The following TOMM22 variants were observed in gnomAD, a reference collection of about 807,000 sequenced individuals.
The protein encoded by TOMM22 is mitochondrial import receptor subunit TOM22 homolog.
TOMM22 carries 3 observed loss-of-function variants against 17.1 expected under a neutral mutation model. The observed-to-expected ratio is 0.18, with a 90% CI of 0.08 to 0.45. The LOEUF (loss-of-function observed/expected upper bound fraction) is 0.45, where lower values mean the gene tolerates loss of function less well. Ranked by LOEUF, TOMM22 falls within the 20% of genes least tolerant of loss-of-function variation. The probability of loss-of-function intolerance (pLI) is 0.99; values close to 1 mark genes in which losing one functional copy is unlikely to be tolerated. For synonymous variants in TOMM22, 91 were observed against 74.0 expected (o/e 1.23, Z -1.18); for missense variants, 159 against 179.5 (o/e 0.89, Z 0.65).
At chr22:38,682,287 C>G in intron 1 of TOMM22, 36 bp from the exon 2 acceptor site, 13 of 1,604,258 alleles carry the variant, frequency 8.1e-6, no homozygotes, top group South Asian at 1.1e-5. Flanking sequence ...ATGGATGTCG[C>G]TTTTTCGGCT....
Position 38,684,163 on chromosome 22 carries a change from G to T in TOMM22, c.*322G>T. 1 of 318,768 alleles carries T rather than the reference G, an allele frequency of 3.1e-6. No individual in the cohort carries two copies. 19.7% of individuals were successfully genotyped at this position (318,768 alleles called of 1,614,324 possible). A position where few individuals can be genotyped will look rare whatever the true frequency, so the allele number is the denominator to read the frequency against. On this transcript the variant is annotated 3_prime_UTR_variant, in exon 4 of 4. Transcript: ENST00000216034. ...TTCCCCTTGTGGGGTAGGAACCGATGCCAGTGGGAGGGATGTGCCCCTGAC... is the reference window on the plus strand; with the variant it reads ...TTCCCCTTGTGGGGTAGGAACCGATTCCAGTGGGAGGGATGTGCCCCTGAC...
chr22:38,683,679 T>A, intron 3 of TOMM22, 88 bp from the exon 4 acceptor site: 1 of 970,230 alleles, frequency 1.0e-6, no homozygotes, highest in Non-Finnish European at 1.6e-6. Flanking sequence ...TTCAGTATTA[T>A]TTTTGTAGAC....
Position 38,682,895 on chromosome 22 carries a change from T to A in TOMM22, c.253T>A (p.Leu85Met). 6.2e-7 allele frequency: 1 copy of A among 1,613,390 alleles called. No individual in the cohort carries two copies. The highest frequency in any genetic ancestry group is 8.5e-7 in the Non-Finnish European group (1 of 1,179,942). ...QKMYRFSRAA[L>M]WIGTTSFMIL... is the part of the protein sequence containing the mutation. ...CCTCTGCAGGTTTTCCAGGGCAGCC[T>A]TGTGGATTGGGACCACTTCCTTTAT... Residue 85 changes from leucine to methionine, a missense_variant, in exon 3 of 4, where the codon TTG (leucine) becomes ATG (methionine). Physicochemically the swap from Leu to Met is conservative, Grantham distance 15. Coordinates refer to ENST00000216034, the MANE Select transcript of TOMM22 (RefSeq NM_020243.5).
chr22:38,682,226 C>T (rs1329089966), intron 1 of TOMM22, 97 bp from the exon 2 acceptor site: 15 of 1,504,854 alleles, frequency 1.0e-5, no homozygotes, highest in Non-Finnish European at 1.3e-5. Flanking sequence ...GCCCTGGGTG[C>T]CCTAGCTCCA....
Position 38,683,888 on chromosome 22 carries a change from C to A in TOMM22, c.*47C>A. On this transcript the variant is annotated 3_prime_UTR_variant, in exon 4 of 4. Coordinates refer to ENST00000216034, the MANE Select transcript of TOMM22 (RefSeq NM_020243.5). The stretch of plus-strand genomic sequence containing the variant: ...GTCTCAGTGGGATAAGTTTGAAATT[C>A]AAGTGTTTGAACTGCTGATAATTTG... 2 of 1,516,686 alleles carry A rather than the reference C, an allele frequency of 1.3e-6. No individual in the cohort carries two copies. Among genetic ancestry groups the A allele is most frequent in the Non-Finnish European group, 1.8e-6 (2 of 1,103,424 alleles). 94.0% of individuals were successfully genotyped at this position (1,516,686 alleles called of 1,614,324 possible).
At position 38,685,246 on chromosome 22, in the gene TOMM22, A is replaced by G. The variant is rs1020059530; in HGVS notation, c.*1405A>G. On this transcript the variant is annotated 3_prime_UTR_variant, in exon 4 of 4. Transcript: ENST00000216034. ...AATCCAGGCAGTCCAGCTACAGAAC[A>G]CTGCTGCTGTGCGCTCGGGATGGTG... 2.0e-5 allele frequency: 3 copies of G among 152,378 alleles called. No homozygotes were observed. The East Asian group carries it at 5.8e-4, about 29-fold the overall frequency. 9.4% of individuals were successfully genotyped at this position (152,378 alleles called of 1,614,324 possible).
chr22:38,683,644 GCT>G lies in TOMM22; in HGVS notation c.355-120_355-119del, dbSNP rs1270497308. The G allele has an allele frequency of 1.8e-5, 13 of 703,000 alleles. No homozygotes were observed. The East Asian group carries it at 2.1e-4, about 11-fold the overall frequency. 43.5% of individuals were successfully genotyped at this position (703,000 alleles called of 1,614,324 possible). On this transcript the variant is annotated intron_variant, in intron 3 of 3. Transcript: ENST00000216034. ...GGGTGGGGATTGGGATCGGGCCCAT[GCT>G]CTTTTAGTTGTCTGACTGTGCTTTC...
At position 38,681,984 on chromosome 22, in the gene TOMM22, T is replaced by A; in HGVS notation, c.6T>A (p.Ala2=). The change falls in exon 1 of 4, where the codon GCT becomes GCA. Residue 2 remains alanine (A), a synonymous_variant. Transcript: ENST00000216034. ...TTCCGGTGTCCCCTACAGTCATGGC[T>A]GCCGCCGTCGCTGCTGCCGGTGCAG... is the stretch of plus-strand genomic sequence containing the variant. M[A]AAVAAAGAGE... 1 of 1,610,628 alleles carries A rather than the reference T, an allele frequency of 6.2e-7. No homozygotes were observed. The highest frequency in any genetic ancestry group is 8.5e-7 in the Non-Finnish European group (1 of 1,179,036).
At chr22:38,682,712 C>G (rs1327455937) in intron 2 of TOMM22, among the ~76,000 whole-genome samples, 167 bp from the exon 3 acceptor site, 1 of 151,922 alleles carries the variant, frequency 6.6e-6, no homozygotes, top group Non-Finnish European at 1.5e-5. Flanking sequence ...ATACAGCTAC[C>G]ATAGCTGCTC....
In TOMM22 at chr22:38,682,004, G is replaced by T. The variant is rs2145795095; in HGVS notation, c.26G>T (p.Gly9Val). The T allele has an allele frequency of 6.2e-7, 1 of 1,611,824 alleles. No individual in the cohort carries two copies. Among genetic ancestry groups the T allele is most frequent in the Non-Finnish European group, 8.5e-7 (1 of 1,179,276 alleles). MAAAVAAAGAGEPQSPDEL... is the reference protein window; with the variant it reads MAAAVAAAVAGEPQSPDEL... Reference sequence around the variant, plus strand: ...ATGGCTGCCGCCGTCGCTGCTGCCGGTGCAGGGGAACCCCAGTCCCCGGAC... The same window carrying T: ...ATGGCTGCCGCCGTCGCTGCTGCCGTTGCAGGGGAACCCCAGTCCCCGGAC... Residue 9 changes from glycine to valine, a missense_variant, in exon 1 of 4, where the codon GGT becomes GTT. This residue lies in a region of TOMM22 where 107 missense variants were observed against 100.2 expected (regional missense o/e 1.07). Coordinates refer to ENST00000216034, the MANE Select transcript of TOMM22 (RefSeq NM_020243.5).
At chr22:38,683,151 G>GT (rs1000963116) in intron 3 of TOMM22, among the ~76,000 whole-genome samples, 155 bp downstream of exon 3, 1 of 118,532 alleles carries the variant, frequency 8.4e-6, no homozygotes, top group African/African-American at 3.2e-5. Context: ...TCGGGGGGGG[G>GT]GTTCTGGATG....
intron 2 of TOMM22, 105 bp downstream of exon 2, chr22:38,682,546 G>A: frequency 1.0e-6 from 1 of 985,664 alleles, no homozygotes; most frequent in South Asian, 1.4e-5. Flanking sequence ...GTGACCTTGG[G>A]CTTGTACCCT....
At chr22:38,682,214 G>A (rs969706231) in intron 1 of TOMM22, 109 bp from the exon 2 acceptor site, 35 of 1,489,416 alleles carry the variant, frequency 2.3e-5, no homozygotes, top group Non-Finnish European at 3.1e-5. Context: ...GGGCCCTGCT[G>A]GGCCCTGGGT....
intron 3 of TOMM22, among the ~76,000 whole-genome samples, chr22:38,683,222 GAAA>G: frequency 6.6e-6 from 1 of 151,766 alleles, no homozygotes; most frequent in Non-Finnish European, 1.5e-5. Context: ...AATATATAAT[GAAA>G]TAATTCTATA....
chr22:38,682,524 G>C, intron 2 of TOMM22, 83 bp downstream of exon 2: 2 of 1,279,002 alleles, frequency 1.6e-6, no homozygotes, highest in East Asian at 4.6e-5. Flanking sequence ...GGAAGCAGCA[G>C]ACCCGTGTTG....
chr22:38,685,070 A>G lies in TOMM22; in HGVS notation c.*1229A>G, dbSNP rs938005203. 2.0e-5 allele frequency: 3 copies of G among 152,212 alleles called. No individual in the cohort carries two copies. The highest frequency in any genetic ancestry group is 4.4e-5 in the Non-Finnish European group (3 of 68,052). The allele number at this position is 152,212 out of a possible 1,614,324, so 9.4% of individuals were successfully genotyped here. On this transcript the variant is annotated 3_prime_UTR_variant, in exon 4 of 4. Coordinates refer to ENST00000216034, the MANE Select transcript of TOMM22 (RefSeq NM_020243.5). Reference sequence around the variant, plus strand: ...AGTGCTGGGATTATAGGCGTCACCCACCACGCCCAGCCAGAGTAAGCCTTT... The same window carrying G: ...AGTGCTGGGATTATAGGCGTCACCCGCCACGCCCAGCCAGAGTAAGCCTTT...
At chr22:38,682,811 A>G in intron 2 of TOMM22, 68 bp from the exon 3 acceptor site, 1 of 1,328,806 alleles carries the variant, frequency 7.5e-7, no homozygotes, top group Non-Finnish European at 1.1e-6. Context: ...AGGTTTGGTT[A>G]CTGGGTAGTT....
intron 2 of TOMM22, 21 bp downstream of exon 2, chr22:38,682,462 C>T (rs1201680666): frequency 6.2e-7 from 1 of 1,602,726 alleles, no homozygotes; most frequent in Non-Finnish European, 8.5e-7. Flanking sequence ...AGGGCAAAGG[C>T]ACTGGGTACG....
In TOMM22 at chr22:38,683,747, C is replaced by G; in HGVS notation, c.355-20C>G. On this transcript the variant is annotated intron_variant, in intron 3 of 3. Coordinates refer to ENST00000216034, the MANE Select transcript of TOMM22 (RefSeq NM_020243.5). ...CTCTAGGCCTGTATGATGCCTTACA[C>G]CCCTCCTTTTCTTTTCCAGATACTT... The G allele has an allele frequency of 6.2e-7, 1 of 1,606,584 alleles. No individual in the cohort carries two copies. The highest frequency in any genetic ancestry group is 2.2e-5 in the East Asian group (1 of 44,844).
Sources: allele counts gnomAD v4.1 joint callset (sites outside exome capture counted in the v4.1 genomes callset), GRCh38; gene constraint gnomAD v4.1.1; regional missense constraint gnomAD v4.1.1; transcripts MANE v1.5; gene names NCBI Gene and HGNC (gene_info 2026-07-23, HGNC 2026-07-21).